The following NDUFA5 variants were observed in gnomAD, a reference collection of about 807,000 sequenced individuals.
NDUFA5 encodes NADH:ubiquinone oxidoreductase subunit A5, also known as NADH dehydrogenase [ubiquinone] 1 alpha subcomplex subunit 5.
In NDUFA5, 11 loss-of-function variants were observed where a neutral mutation model predicts 19.8. That is an observed-to-expected ratio of 0.56 (90% CI 0.35 to 0.92). NDUFA5 has a LOEUF of 0.92. Among genes scored for constraint, NDUFA5 ranks in the 40% least tolerant of loss-of-function variants. The pLI, the probability that NDUFA5 is intolerant of heterozygous loss-of-function variation, is 0.01. For missense variants in NDUFA5, 109 were observed against 134.2 expected (o/e 0.81, Z 0.93); for synonymous variants, 47 against 46.8 (o/e 1.00, Z -0.01).
the NDUFA5 span, among the ~76,000 whole-genome samples, chr7:123,572,131 C>CTTTTTTTTT: frequency 2.1e-5 from 1 of 47,978 alleles, no homozygotes; most frequent in Non-Finnish European, 3.6e-5. Flanking sequence ...TGTAGAATTT[C>CTTTTTTTTT]TTTTTTTTTT....
At position 123,539,156 on chromosome 7, in the gene NDUFA5, T is replaced by G. The variant is rs1797847072; in HGVS notation, c.*2963A>C. Reference sequence around the variant, plus strand: ...CCAATGACAGACTAGTTGATCCTACTGGTGTGGGAAAGATGGCAACCTTGA... The same window carrying G: ...CCAATGACAGACTAGTTGATCCTACGGGTGTGGGAAAGATGGCAACCTTGA... On this transcript the variant is annotated 3_prime_UTR_variant, in exon 5 of 5. Coordinates refer to ENST00000355749, the MANE Select transcript of NDUFA5 (RefSeq NM_005000.5). The G allele has an allele frequency of 6.6e-6, 1 of 152,220 alleles. No individual in the cohort carries two copies. The highest frequency in any genetic ancestry group is 2.4e-5 in the African/African-American group (1 of 41,434). 9.4% of individuals were successfully genotyped at this position (152,220 alleles called of 1,614,324 possible). A position where few individuals can be genotyped will look rare whatever the true frequency, so the allele number is the denominator to read the frequency against.
the NDUFA5 span, among the ~76,000 whole-genome samples, chr7:123,570,474 A>G: frequency 0.013 from 2,040 of 151,842 alleles, 44 homozygotes; most frequent in African/African-American, 0.046. Flanking sequence ...TAGCCATGTG[A>G]TGCCTCCTTG....
rs766305834 is a variant in NDUFA5 at position 123,540,890 on chromosome 7, G to GCGCGCGCGCACACACACA, written c.*1228_*1229insTGTGTGTGTGCGCGCGCG. On this transcript the variant is annotated 3_prime_UTR_variant, in exon 5 of 5. Transcript: ENST00000355749. ...TCTGAGCAAATGTGCGCATGCGCGT[G>GCGCGCGCGCACACACACA]CACACACACACACACACACACACAC... 59 of 133,908 alleles carry GCGCGCGCGCACACACACA rather than the reference G, an allele frequency of 4.4e-4. No homozygotes were observed. The highest frequency in any genetic ancestry group is 1.2e-3 in the African/African-American group (41 of 33,894). The allele number at this position is 133,908 out of a possible 1,614,324, so 8.3% of individuals were successfully genotyped here.
the NDUFA5 span, among the ~76,000 whole-genome samples, chr7:123,601,367 A>T: frequency 6.6e-6 from 1 of 152,178 alleles, no homozygotes; most frequent in Non-Finnish European, 1.5e-5. Flanking sequence ...TGTATATCAG[A>T]CTAGCAATTA....
the NDUFA5 span, among the ~76,000 whole-genome samples, chr7:123,590,845 G>T: frequency 6.6e-6 from 1 of 152,248 alleles, no homozygotes; most frequent in East Asian, 1.9e-4. Flanking sequence ...CAAAGGCAGT[G>T]GTAGCTTGAT....
upstream of NDUFA5, chr7:123,558,065 G>A (rs1357038331): frequency 6.9e-6 from 4 of 581,120 alleles, no homozygotes; most frequent in East Asian, 1.2e-4. Context: ...TGCCACTGCT[G>A]ACGGCTTGCC....
In NDUFA5 at chr7:123,540,890, G is replaced by GCGCGCGCGCGCGCGCGCGCA. The variant is rs766305834; in HGVS notation, c.*1228_*1229insTGCGCGCGCGCGCGCGCGCG. The GCGCGCGCGCGCGCGCGCGCA allele has an allele frequency of 1.5e-5, 2 of 133,828 alleles. No homozygotes were observed. Among genetic ancestry groups the GCGCGCGCGCGCGCGCGCGCA allele is most frequent in the African/African-American group, 3.0e-5 (1 of 33,800 alleles). The allele number at this position is 133,828 out of a possible 1,614,324, so 8.3% of individuals were successfully genotyped here. On this transcript the variant is annotated 3_prime_UTR_variant, in exon 5 of 5. Coordinates refer to ENST00000355749, the MANE Select transcript of NDUFA5 (RefSeq NM_005000.5). ...TCTGAGCAAATGTGCGCATGCGCGT[G>GCGCGCGCGCGCGCGCGCGCA]CACACACACACACACACACACACAC...
At chr7:123,587,554 G>T in the NDUFA5 span, among the ~76,000 whole-genome samples, 1 of 151,040 alleles carries the variant, frequency 6.6e-6, no homozygotes, top group Non-Finnish European at 1.5e-5. Flanking sequence ...TTTCCTAATT[G>T]CTCTGGTGAG....
upstream of NDUFA5, among the ~76,000 whole-genome samples, chr7:123,561,232 C>G (rs746617435): frequency 2.6e-5 from 4 of 152,204 alleles, no homozygotes; most frequent in Non-Finnish European, 2.9e-5. Flanking sequence ...CAGAAGAACT[C>G]TCAAAATTGG....
chr7:123,543,248 C>T (rs1403809101), intron 4 of NDUFA5, among the ~76,000 whole-genome samples: 1 of 152,138 alleles, frequency 6.6e-6, no homozygotes, highest in Non-Finnish European at 1.5e-5. Context: ...ACATCCAATG[C>T]TTTCTCAATC....
At position 123,540,890 on chromosome 7, in the gene NDUFA5, G is replaced by GCGCGCACACACACACACACACA. The variant is rs766305834; in HGVS notation, c.*1228_*1229insTGTGTGTGTGTGTGTGTGCGCG. ...TCTGAGCAAATGTGCGCATGCGCGT[G>GCGCGCACACACACACACACACA]CACACACACACACACACACACACAC... On this transcript the variant is annotated 3_prime_UTR_variant, in exon 5 of 5. Coordinates refer to ENST00000355749, the MANE Select transcript of NDUFA5 (RefSeq NM_005000.5). 1.3e-4 allele frequency: 18 copies of GCGCGCACACACACACACACACA among 133,830 alleles called. No homozygotes were observed. Among genetic ancestry groups the GCGCGCACACACACACACACACA allele is most frequent in the African/African-American group, 4.1e-4 (14 of 33,802 alleles). The allele number at this position is 133,830 out of a possible 1,614,324, so 8.3% of individuals were successfully genotyped here. A position where few individuals can be genotyped will look rare whatever the true frequency, so the allele number is the denominator to read the frequency against.
rs57037410 is a variant in NDUFA5, at chr7:123,540,891, C to CGCGCGCGT, written c.*1227_*1228insACGCGCGC. 4.3e-4 allele frequency: 5 copies of CGCGCGCGT among 11,700 alleles called. No homozygotes were observed. Among genetic ancestry groups the CGCGCGCGT allele is most frequent in the African/African-American group, 1.1e-3 (5 of 4,386 alleles). The allele number at this position is 11,700 out of a possible 1,614,324, so 0.7% of individuals were successfully genotyped here. A position where few individuals can be genotyped will look rare whatever the true frequency, so the allele number is the denominator to read the frequency against. On this transcript the variant is annotated 3_prime_UTR_variant, in exon 5 of 5. Transcript: ENST00000355749. ...CTGAGCAAATGTGCGCATGCGCGTG[C>CGCGCGCGT]ACACACACACACACACACACACACA...
At chr7:123,557,594 T>C (rs761753652) in intron 1 of NDUFA5, 146 bp from the exon 2 acceptor site, 1 of 1,613,154 alleles carries the variant, frequency 6.2e-7, no homozygotes, top group Non-Finnish European at 8.5e-7. Context: ...TTTGGAGCTT[T>C]TTTCCTGACT....
the NDUFA5 span, among the ~76,000 whole-genome samples, chr7:123,596,743 CA>C: frequency 1.3e-5 from 2 of 152,048 alleles, no homozygotes; most frequent in Non-Finnish European, 2.9e-5. Context: ...ATGCTTTTTA[CA>C]ATCAAATATT....
In NDUFA5 at chr7:123,538,093, G is replaced by C. The variant is rs898109022; in HGVS notation, c.*4026C>G. The stretch of plus-strand genomic sequence containing the variant: ...GTCAAAAAAAAATTTAACCTTGGTT[G>C]TTTCTTTTTTTTTATTCCTATGTGT... On this transcript the variant is annotated 3_prime_UTR_variant, in exon 5 of 5. Transcript: ENST00000355749. 7.9e-5 allele frequency: 12 copies of C among 151,984 alleles called. No individual in the cohort carries two copies. Among genetic ancestry groups the C allele is most frequent in the African/African-American group, 2.7e-4 (11 of 41,400 alleles). 9.4% of individuals were successfully genotyped at this position (151,984 alleles called of 1,614,324 possible).
chr7:123,584,073 T>C, the NDUFA5 span, among the ~76,000 whole-genome samples: 2 of 151,990 alleles, frequency 1.3e-5, no homozygotes, highest in African/African-American at 2.4e-5. Context: ...TGAGCTCTTC[T>C]AGCCACACGG....
the NDUFA5 span, among the ~76,000 whole-genome samples, chr7:123,562,963 A>AT: frequency 3.1e-4 from 47 of 149,760 alleles, no homozygotes; most frequent in East Asian, 9.8e-4. Flanking sequence ...CTCCCAGCTA[A>AT]TTTTTTTTTG....
At chr7:123,582,936 A>G in the NDUFA5 span, among the ~76,000 whole-genome samples, 2 of 152,110 alleles carry the variant, frequency 1.3e-5, no homozygotes, top group Non-Finnish European at 2.9e-5. Flanking sequence ...GTACCATGAA[A>G]GAAACTAGTG....
chr7:123,546,746 A>G (rs950954911), intron 3 of NDUFA5: 2 of 1,218,784 alleles, frequency 1.6e-6, no homozygotes, highest in African/African-American at 3.1e-5. Context: ...TTGTTTCTTC[A>G]CCACTTTTCA....
Sources: allele counts gnomAD v4.1 joint callset (sites outside exome capture counted in the v4.1 genomes callset), GRCh38; gene constraint gnomAD v4.1.1; transcripts MANE v1.5; gene names NCBI Gene and HGNC (gene_info 2026-07-23, HGNC 2026-07-21).